Variants in TMCO6 observed in about 807,000 individuals in gnomAD.
TMCO6 encodes the protein transmembrane and coiled-coil domains 6, also known as transmembrane and coiled-coil domain-containing protein 6.
A neutral mutation model predicts 61.8 loss-of-function variants in TMCO6; 47 were observed. The observed-to-expected ratio is 0.76, with a 90% confidence interval of 0.60 to 0.97. TMCO6 has a LOEUF of 0.97. TMCO6 is among the 50% of genes least tolerant of loss of function. The probability of loss-of-function intolerance (pLI) is 0.00; values close to 1 mark genes in which losing one functional copy is unlikely to be tolerated. For synonymous variants in TMCO6, 261 were observed against 254.2 expected (o/e 1.03, Z -0.25); for missense variants, 557 against 601.6 (o/e 0.93, Z 0.78).
chr5:140,645,056 G>C lies in TMCO6; in HGVS notation c.1440G>C (p.Gln480His). 6.2e-7 allele frequency: 1 copy of C among 1,614,224 alleles called. No individual in the cohort carries two copies. The highest frequency in any genetic ancestry group is 8.5e-7 in the Non-Finnish European group (1 of 1,180,036). The change falls in exon 12 of 12, where the codon CAG (glutamine) becomes CAC (histidine). Residue 480 changes from glutamine (Q) to histidine (H), a missense_variant. Gln to His is a conservative substitution (Grantham distance 24). Transcript: ENST00000394671. Reference sequence around the variant, plus strand: ...GGCATCAGGAAGAGGCCCAGCTCCAGGATCGTGTGTATGCTCTCCAGCAGA... The same window carrying C: ...GGCATCAGGAAGAGGCCCAGCTCCACGATCGTGTGTATGCTCTCCAGCAGA... The part of the protein sequence containing the change: ...LERHQEEAQL[Q>H]DRVYALQQTA...
the TMCO6 span, among the ~76,000 whole-genome samples, chr5:140,621,925 A>C: frequency 6.6e-6 from 1 of 152,172 alleles, no homozygotes; most frequent in Non-Finnish European, 1.5e-5. Context: ...GGTTGATCTC[A>C]AAACCCTGTC....
chr5:140,639,978 C>T (rs757382083), intron 2 of TMCO6, 127 bp downstream of exon 2: 143 of 741,654 alleles, frequency 1.9e-4, no homozygotes, highest in Non-Finnish European at 3.0e-4. Context: ...GTGGGTCAAG[C>T]CAGAAACAGG....
the TMCO6 span, among the ~76,000 whole-genome samples, chr5:140,598,082 G>A: frequency 2.0e-5 from 3 of 152,088 alleles, no homozygotes; most frequent in Non-Finnish European, 4.4e-5. Flanking sequence ...CTCCAATGGG[G>A]ATTCTCCCTT....
At chr5:140,630,371 A>C in the TMCO6 span, among the ~76,000 whole-genome samples, 1 of 152,040 alleles carries the variant, frequency 6.6e-6, no homozygotes, top group African/African-American at 2.4e-5. Context: ...TAGTCAGCTC[A>C]GGCTACCGTA....
At chr5:140,629,607 C>A in the TMCO6 span, among the ~76,000 whole-genome samples, 1 of 152,014 alleles carries the variant, frequency 6.6e-6, no homozygotes, top group Non-Finnish European at 1.5e-5. Flanking sequence ...TGAAAAAATC[C>A]AAAACTTCTG....
upstream of TMCO6, among the ~76,000 whole-genome samples, chr5:140,637,762 A>C (rs1327894090): frequency 6.6e-6 from 1 of 152,186 alleles, no homozygotes; most frequent in Non-Finnish European, 1.5e-5. Flanking sequence ...TAACCCAGAC[A>C]TTCCTTTCTA....
the TMCO6 span, chr5:140,631,970 G>C: frequency 1.2e-6 from 2 of 1,613,788 alleles, no homozygotes; most frequent in Non-Finnish European, 1.7e-6. Context: ...CCTCGTGGGG[G>C]AGGGCAGTTC....
the TMCO6 span, among the ~76,000 whole-genome samples, chr5:140,616,457 G>C: frequency 3.3e-5 from 5 of 152,118 alleles, no homozygotes; most frequent in Admixed American, 3.3e-4. Context: ...AGCTACCTAG[G>C]AGGCTGAGGT....
At chr5:140,596,961 TA>T in the TMCO6 span, among the ~76,000 whole-genome samples, 1 of 152,238 alleles carries the variant, frequency 6.6e-6, no homozygotes, top group African/African-American at 2.4e-5. Context: ...GATAAGTTGG[TA>T]ACCAGTGCAG....
rs1324024366 is a variant in TMCO6, at chr5:140,642,418, A to C, written c.602A>C (p.Gln201Pro). 1.2e-6 allele frequency: 2 copies of C among 1,612,296 alleles called. No homozygotes were observed. The highest frequency in any genetic ancestry group is 2.7e-5 in the African/African-American group (2 of 74,918). Residue 201 changes from glutamine (Q) to proline (P), a missense_variant and splice_region_variant, in exon 5 of 12, where the codon CAG becomes CCG. By Grantham distance (76) the Gln-to-Pro change is moderately conservative. Coordinates refer to ENST00000394671, the MANE Select transcript of TMCO6 (RefSeq NM_018502.5). ...GTTCCAGCCTTGGCTGCCTGCATCC[A>C]GGTGACTCCTTTCTTCCTCCCTGGG... is the stretch of plus-strand genomic sequence containing the variant. Reference protein sequence around the residue: ...GIVPALAACIQSPHVAVLEAL... With the variant: ...GIVPALAACIPSPHVAVLEAL...
the TMCO6 span, among the ~76,000 whole-genome samples, chr5:140,599,147 G>T: frequency 1.3e-5 from 2 of 152,288 alleles, no homozygotes; most frequent in Admixed American, 6.5e-5. Context: ...GTGCTTCAAA[G>T]GGTGCAAGAG....
the TMCO6 span, chr5:140,632,184 G>A: frequency 6.2e-7 from 1 of 1,613,816 alleles, no homozygotes; most frequent in Non-Finnish European, 8.5e-7. The surrounding 1 kb of genome is among the most constrained non-coding windows in gnomAD (Gnocchi z 6.2). Context: ...CGGAGCGCTA[G>A]GGTTTACGGT....
In TMCO6 at chr5:140,641,695, G is replaced by A; in HGVS notation, c.229G>A (p.Gly77Arg). The change falls in exon 3 of 12, where the codon GGG (glycine) becomes AGG (arginine). Residue 77 changes from glycine (G) to arginine (R), a missense_variant. Physicochemically the swap from Gly to Arg is moderately radical, Grantham distance 125. Transcript: ENST00000394671. ...VQQFLRQAQR[G>R]TEEKEREGAL... ...GCAGTTCCTGCGGCAAGCCCAGCGG[G>A]GGACAGAGGAAAAGGAGAGAGAGGG... 6.2e-7 allele frequency: 1 copy of A among 1,614,146 alleles called. No individual in the cohort carries two copies. Among genetic ancestry groups the A allele is most frequent in the Non-Finnish European group, 8.5e-7 (1 of 1,180,026 alleles).
chr5:140,639,396 A>G (rs994386241), upstream of TMCO6: 2 of 896,046 alleles, frequency 2.2e-6, no homozygotes, highest in Non-Finnish European at 3.4e-6. Context: ...CTCACCCAGC[A>G]CCCACCCCGC....
At chr5:140,635,286 CAGAT>C (rs1756742793), upstream of TMCO6, among the ~76,000 whole-genome samples, 1 of 152,332 alleles carries the variant, frequency 6.6e-6, no homozygotes, top group Non-Finnish European at 1.5e-5. Flanking sequence ...GACTCAAAGT[CAGAT>C]AGCCAGTCTT....
chr5:140,637,210 G>C (rs577886123), upstream of TMCO6, among the ~76,000 whole-genome samples: 3 of 152,184 alleles, frequency 2.0e-5, no homozygotes, highest in African/African-American at 7.2e-5. Context: ...GGTCCCAGAA[G>C]AGGTGAGTCC....
Position 140,642,137 on chromosome 5 carries a change from G to A in TMCO6, c.498+84G>A, listed in dbSNP as rs980932370. 6.5e-6 allele frequency: 10 copies of A among 1,529,778 alleles called. No homozygotes were observed. The Admixed American group carries it at 1.1e-4, about 17-fold the overall frequency. The allele number at this position is 1,529,778 out of a possible 1,614,324, so 94.8% of individuals were successfully genotyped here. A position where few individuals can be genotyped will look rare whatever the true frequency, so the allele number is the denominator to read the frequency against. On this transcript the variant is annotated intron_variant, in intron 4 of 11. Coordinates refer to ENST00000394671, the MANE Select transcript of TMCO6 (RefSeq NM_018502.5). ...GACCAGTTTGAGCTGGCAGGTAGGA[G>A]GAAGAAAACATGTTTGCCCTTATGC...
chr5:140,647,297 C>A (rs1262251172), downstream of TMCO6: 1 of 1,576,318 alleles, frequency 6.3e-7, no homozygotes, highest in South Asian at 1.2e-5. Flanking sequence ...GGAGCATTCG[C>A]GGATTAGGAT....
At chr5:140,647,604 C>A (rs751299721), downstream of TMCO6, 1 of 1,606,408 alleles carries the variant, frequency 6.2e-7, no homozygotes. Flanking sequence ...ATCGAAGTCG[C>A]CAATTCCAGG....
Sources: gnomAD v4.1 joint callset for allele counts (sites outside exome capture counted in the v4.1 genomes callset) on GRCh38, gnomAD v4.1.1 for gene constraint, Gnocchi (gnomAD v3.1) non-coding constraint, MANE v1.5 for transcripts, NCBI Gene and HGNC (gene_info 2026-07-23, HGNC 2026-07-21) for gene names.